The following COL15A1 variants were observed in gnomAD, a reference collection of about 807,000 sequenced individuals.
The protein encoded by COL15A1 is collagen type XV alpha 1 chain.
A neutral mutation model predicts 165.9 loss-of-function variants in COL15A1; 111 were observed. The ratio of observed to expected loss-of-function variants is 0.67; its 90% CI spans 0.57 to 0.78. The LOEUF (loss-of-function observed/expected upper bound fraction) is 0.78. Ranked by LOEUF, COL15A1 falls within the 30% of genes least tolerant of loss-of-function variation. The pLI is 0.00. For synonymous variants in COL15A1, 659 were observed against 674.8 expected (o/e 0.98, Z 0.36); for missense variants, 1,745 against 1,789.7 (o/e 0.98, Z 0.45).
chr9:98,966,264 A>G (rs556673124), intron 2 of COL15A1, among the ~76,000 whole-genome samples: 55 of 152,316 alleles, frequency 3.6e-4, no homozygotes, highest in African/African-American at 1.3e-3. Flanking sequence ...CACTTAGAGA[A>G]AGACTTAGAA....
rs763873376 is a variant in COL15A1 at position 99,024,968 on chromosome 9, A to G, written c.1949A>G (p.Glu650Gly). The G allele has an allele frequency of 2.5e-6, 4 of 1,613,738 alleles. No individual in the cohort carries two copies. The highest frequency in any genetic ancestry group is 1.7e-5 in the Admixed American group (1 of 59,988). ...ATGGGACCCCCTGGATCTCCTGGAG[A>G]GGATGGACCTGCTGGTGAACCTGGG... ...VFMGPPGSPG[E>G]DGPAGEPGPP... The change falls in exon 15 of 42, where the codon GAG (glutamate) becomes GGG (glycine). Residue 650 changes from glutamate (E) to glycine (G), a missense_variant. Transcript: ENST00000375001.
At position 98,989,370 on chromosome 9, in the gene COL15A1, G is replaced by C. The variant is rs905068099; in HGVS notation, c.804+112G>C. The C allele has an allele frequency of 2.2e-5, 19 of 846,552 alleles. No individual in the cohort carries two copies. In the Middle Eastern group the frequency reaches 1.6e-3, roughly 72 times the overall value. The allele number at this position is 846,552 out of a possible 1,614,324, so 52.4% of individuals were successfully genotyped here. On this transcript the variant is annotated intron_variant, in intron 5 of 41. Transcript: ENST00000375001. ...GACCTCTTTGTTTCCAGACCTGTGA[G>C]CTTAATCGTTGACTCATCTGGGGGG...
At position 99,015,984 on chromosome 9, in the gene COL15A1, TG is replaced by T; in HGVS notation, c.1513del (p.Asp505MetfsTer53). The T allele has an allele frequency of 6.2e-7, 1 of 1,613,430 alleles. No individual in the cohort carries two copies. The highest frequency in any genetic ancestry group is 8.5e-7 in the Non-Finnish European group (1 of 1,179,728). On this transcript the variant is annotated frameshift_variant, in exon 11 of 42. Coordinates refer to ENST00000375001, the MANE Select transcript of COL15A1 (RefSeq NM_001855.5). LOFTEE classifies it high-confidence loss of function. Reference sequence around the variant, plus strand: ...GCTGGTTTTGTTTTCAGGGTCCTGGTGATGAAGAAGACTTGGCAGCAGCCAC... The same window carrying T: ...GCTGGTTTTGTTTTCAGGGTCCTGGTATGAAGAAGACTTGGCAGCAGCCAC... Reference protein sequence around the residue: ...PERAVTSGPGDEEDLAAATTE... With the variant: ...PERAVTSGPGXEEDLAAATTE...
rs141031594 is a variant in COL15A1 at position 99,065,590 on chromosome 9, C to T, written c.3652-1292C>T. Among the ~76,000 whole-genome samples the T allele has an allele frequency of 7.4e-3, 1,106 of 150,200 alleles. 9 individuals carry two copies. Among genetic ancestry groups the T allele is most frequent in the African/African-American group, 0.026 (1,059 of 40,602 alleles). On this transcript the variant is annotated intron_variant, in intron 39 of 41. Coordinates refer to ENST00000375001, the MANE Select transcript of COL15A1 (RefSeq NM_001855.5). ...GCATAAAATGCTAGCCACTGGGAGG[C>T]CTGCTGGGGAAGCCTTGGCTCAGTG...
Position 99,056,211 on chromosome 9 carries a change from G to T in COL15A1, c.3193-49G>T, listed in dbSNP as rs114243836. ...TCATAAAAGGACTAGATGGGACTTC[G>T]AGTGATGAATGATGCTTTCTCTCTG... On this transcript the variant is annotated intron_variant, in intron 34 of 41. Coordinates refer to ENST00000375001, the MANE Select transcript of COL15A1 (RefSeq NM_001855.5). 2.4e-3 allele frequency: 3,857 copies of T among 1,580,098 alleles called. 53 individuals are homozygous for T. The African/African-American group carries it at 0.026, about 11-fold the overall frequency.
chr9:99,029,849 C>T (rs1233853392), intron 16 of COL15A1, among the ~76,000 whole-genome samples: 3 of 151,402 alleles, frequency 2.0e-5, no homozygotes, highest in East Asian at 1.9e-4. Flanking sequence ...CACCTGAACC[C>T]GGGAGGCCGG....
chr9:98,948,346 C>A, intron 2 of COL15A1, among the ~76,000 whole-genome samples: 1 of 152,136 alleles, frequency 6.6e-6, no homozygotes, highest in Admixed American at 6.6e-5. Flanking sequence ...CACCTGTAAT[C>A]CCAGCACTTT....
intron 35 of COL15A1, 126 bp downstream of exon 35, chr9:99,056,530 C>A: frequency 5.1e-6 from 6 of 1,186,134 alleles, no homozygotes; most frequent in African/African-American, 1.6e-5. Flanking sequence ...CGCCTTCTTT[C>A]TTTTTTTTTT....
intron 16 of COL15A1, 44 bp from the exon 17 acceptor site, chr9:99,034,505 C>A (rs774060724): frequency 6.9e-7 from 1 of 1,450,050 alleles, no homozygotes; most frequent in Non-Finnish European, 9.2e-7. Flanking sequence ...CACCTCATGA[C>A]ATATGCATTA....
intron 2 of COL15A1, among the ~76,000 whole-genome samples, chr9:98,962,689 T>C (rs963742681): frequency 4.6e-5 from 7 of 152,264 alleles, no homozygotes; most frequent in Non-Finnish European, 1.0e-4. Flanking sequence ...TATATACAGA[T>C]TTGAGGTCCC....
chr9:98,994,536 C>G (rs144175643), intron 5 of COL15A1, among the ~76,000 whole-genome samples: 122 of 152,240 alleles, frequency 8.0e-4, no homozygotes, highest in African/African-American at 2.8e-3. Flanking sequence ...TGCATCACTC[C>G]GAATCATGGT....
Position 99,055,110 on chromosome 9 carries a change from C to T in COL15A1, c.3040C>T (p.Leu1014Phe). 1.2e-6 allele frequency: 2 copies of T among 1,612,180 alleles called. No homozygotes were observed. Among genetic ancestry groups the T allele is most frequent in the Non-Finnish European group, 1.7e-6 (2 of 1,178,158 alleles). ...QGAQGPPGPP[L>F]DLAYLRHFLN... ...AAGCATTTCTTTTTCAGGTCCTCCACTTGATCTAGCTTACCTGAGACACTT... is the reference window on the plus strand; with the variant it reads ...AAGCATTTCTTTTTCAGGTCCTCCATTTGATCTAGCTTACCTGAGACACTT... Residue 1014 changes from leucine to phenylalanine, a missense_variant, in exon 33 of 42, where the codon CTT becomes TTT. Leu to Phe is a conservative substitution (Grantham distance 22). Coordinates refer to ENST00000375001, the MANE Select transcript of COL15A1 (RefSeq NM_001855.5).
At chr9:99,029,988 G>A (rs1201821610) in intron 16 of COL15A1, among the ~76,000 whole-genome samples, 1 of 151,084 alleles carries the variant, frequency 6.6e-6, no homozygotes, top group Admixed American at 6.6e-5. Context: ...CTGGTTATCA[G>A]TATTACAAAC....
chr9:98,986,001 TGAG>T lies in COL15A1; in HGVS notation c.541_543del (p.Glu181del), dbSNP rs750622764. 1 of 1,614,008 alleles carries T rather than the reference TGAG, an allele frequency of 6.2e-7. No homozygotes were observed. The highest frequency in any genetic ancestry group is 8.5e-7 in the Non-Finnish European group (1 of 1,179,980). On this transcript the variant is annotated inframe_deletion, in exon 3 of 42. Transcript: ENST00000375001. ...AGGAAGTGACCCTCCTCGTGAACTG[TGAG>T]GAGCACAGCCGCATCCCCTTCCAGC...
intron 9 of COL15A1, among the ~76,000 whole-genome samples, chr9:99,014,652 TTAGG>T (rs1409525441): frequency 6.6e-6 from 1 of 152,020 alleles, no homozygotes; most frequent in Non-Finnish European, 1.5e-5. Flanking sequence ...CTCAGGAAAG[TTAGG>T]TAGTTTATTT....
chr9:98,987,397 C>T (rs752717162), intron 4 of COL15A1, 29 bp downstream of exon 4: 3 of 1,573,772 alleles, frequency 1.9e-6, no homozygotes, highest in East Asian at 2.4e-5. Flanking sequence ...CCACAGTGGG[C>T]CCTGCAACCC....
At chr9:98,969,484 G>A (rs10819530) in intron 2 of COL15A1, among the ~76,000 whole-genome samples, 15,013 of 152,216 alleles carry the variant, frequency 0.099, 991 homozygotes, top group East Asian at 0.29. Flanking sequence ...TCAGAGATCC[G>A]TCTCCTAGCT....
intron 20 of COL15A1, 35 bp downstream of exon 20, chr9:99,036,240 C>T (rs755051072): frequency 3.1e-6 from 5 of 1,613,472 alleles, no homozygotes; most frequent in Non-Finnish European, 4.2e-6. Flanking sequence ...GGTGGGAGGG[C>T]TTTCCAGCCT....
intron 2 of COL15A1, among the ~76,000 whole-genome samples, chr9:98,950,868 G>T (rs1837675925): frequency 6.6e-6 from 1 of 152,180 alleles, no homozygotes; most frequent in African/African-American, 2.4e-5. Context: ...CTCCCAAAGT[G>T]CTGGGATTAC....
Sources: allele counts gnomAD v4.1 joint callset (sites outside exome capture counted in the v4.1 genomes callset), GRCh38; gene constraint gnomAD v4.1.1; transcripts MANE v1.5; gene names NCBI Gene and HGNC (gene_info 2026-07-23, HGNC 2026-07-21).